The following PDE4D variants were observed in gnomAD, a reference collection of about 807,000 sequenced individuals.
PDE4D encodes 3',5'-cyclic-AMP phosphodiesterase 4D.
Under a neutral mutation model 87.4 loss-of-function variants are expected in PDE4D, and 24 were observed. That is an observed-to-expected ratio of 0.27 (90% confidence interval 0.20 to 0.39). The LOEUF (loss-of-function observed/expected upper bound fraction) is 0.39, where lower values mean the gene tolerates loss of function less well. Among genes scored for constraint, PDE4D ranks in the 10% least tolerant of loss-of-function variants. PDE4D has a pLI of 1.00. For synonymous variants in PDE4D, 384 were observed against 383.2 expected (o/e 1.00, Z -0.02); for missense variants, 714 against 1,041.0 (o/e 0.69, Z 4.32).
At chr5:60,267,214 A>G (rs189028775) in intron 1 of PDE4D, among the ~76,000 whole-genome samples, 1 of 152,348 alleles carries the variant, frequency 6.6e-6, no homozygotes, top group African/African-American at 2.4e-5. Flanking sequence ...CAAAGAGATG[A>G]GAGAGGAGAG....
chr5:59,046,343 T>C (rs1435389736), intron 5 of PDE4D, among the ~76,000 whole-genome samples: 2 of 151,198 alleles, frequency 1.3e-5, no homozygotes, highest in African/African-American at 4.8e-5. Context: ...TGTGTGTGTG[T>C]GTAAGAGAAA....
At chr5:60,509,316 G>A (rs536807536) in intron 1 of PDE4D, among the ~76,000 whole-genome samples, 4 of 152,264 alleles carry the variant, frequency 2.6e-5, no homozygotes, top group South Asian at 4.1e-4. Context: ...GCTGAAACAC[G>A]ATGGCTGAGC....
At chr5:60,210,251 A>T (rs1743033386) in intron 1 of PDE4D, among the ~76,000 whole-genome samples, 1 of 152,138 alleles carries the variant, frequency 6.6e-6, no homozygotes, top group Non-Finnish European at 1.5e-5. Context: ...AAAATCCATT[A>T]ATGTTGGCAA....
At chr5:60,316,680 G>C in intron 1 of PDE4D, among the ~76,000 whole-genome samples, 1 of 152,106 alleles carries the variant, frequency 6.6e-6, no homozygotes, top group Admixed American at 6.5e-5. Context: ...CTAATTTATT[G>C]AGAGTTTTTA....
chr5:59,031,202 C>A (rs1580404797), intron 6 of PDE4D, among the ~76,000 whole-genome samples: 1 of 151,728 alleles, frequency 6.6e-6, no homozygotes, highest in Non-Finnish European at 1.5e-5. Flanking sequence ...ATAGAACTAC[C>A]ATAAAATCCA....
chr5:59,325,786 A>T (rs377644739), intron 1 of PDE4D, among the ~76,000 whole-genome samples: 1 of 152,068 alleles, frequency 6.6e-6, no homozygotes, highest in African/African-American at 2.4e-5. Flanking sequence ...CTATGTGTGG[A>T]GGGGTAGGGG....
At chr5:60,207,544 G>T (rs541285007) in intron 1 of PDE4D, among the ~76,000 whole-genome samples, 10 of 152,128 alleles carry the variant, frequency 6.6e-5, no homozygotes, top group Non-Finnish European at 1.3e-4. Flanking sequence ...CTCATAATTT[G>T]TGAAACCTTG....
intron 1 of PDE4D, among the ~76,000 whole-genome samples, chr5:59,477,345 G>A (rs1181551990): frequency 2.8e-5 from 3 of 106,006 alleles, no homozygotes; most frequent in Non-Finnish European, 3.7e-5. Flanking sequence ...CTAAAACTTA[G>A]AGTATAATAA....
In PDE4D at chr5:58,972,912, T is replaced by TAACC. The variant is rs951951017; in HGVS notation, c.*1748_*1751dup. The TAACC allele has an allele frequency of 3.9e-5, 6 of 152,200 alleles. No homozygotes were observed. Among genetic ancestry groups the TAACC allele is most frequent in the Admixed American group, 3.9e-4 (6 of 15,270 alleles). 9.4% of individuals were successfully genotyped at this position (152,200 alleles called of 1,614,324 possible). A position where few individuals can be genotyped will look rare whatever the true frequency, so the allele number is the denominator to read the frequency against. ...AATATTTTAGGATGCATCACAGTAC[T>TAACC]AACCCTCTGGTGCCAGTGGCATCAT... On this transcript the variant is annotated 3_prime_UTR_variant, in exon 15 of 15. Transcript: ENST00000340635.
chr5:59,739,257 TA>T (rs1480229590), intron 1 of PDE4D, among the ~76,000 whole-genome samples: 2 of 152,002 alleles, frequency 1.3e-5, no homozygotes, highest in Non-Finnish European at 2.9e-5. Flanking sequence ...CCATTTTTAC[TA>T]AAAATACAAA....
intron 1 of PDE4D, among the ~76,000 whole-genome samples, chr5:59,273,121 C>T (rs1332135026): frequency 6.6e-6 from 1 of 152,068 alleles, no homozygotes; most frequent in Non-Finnish European, 1.5e-5. Context: ...AAATAAACAT[C>T]TGAAAAAGAG....
chr5:59,909,676 C>T lies in PDE4D; in HGVS notation c.272+78812G>A, dbSNP rs74864019. 5.2e-3 allele frequency among the ~76,000 whole-genome samples: 793 copies of T among 152,272 alleles called. 3 individuals carry two copies. Among genetic ancestry groups the T allele is most frequent in the African/African-American group, 0.018 (764 of 41,552 alleles). On this transcript the variant is annotated intron_variant, in intron 3 of 16. Transcript: ENST00000502484. ...CTGGGATTACGGGTGTGACCCACTG[C>T]ACCTGGCCCTTAGGTGGCACATTAA...
At chr5:59,613,879 C>T (rs536875907) in intron 1 of PDE4D, among the ~76,000 whole-genome samples, 3 of 152,134 alleles carry the variant, frequency 2.0e-5, no homozygotes, top group East Asian at 3.9e-4. Context: ...TATCAGTAAA[C>T]CAAAATTACA....
chr5:59,715,499 C>A (rs1464698242), intron 1 of PDE4D, among the ~76,000 whole-genome samples: 1 of 152,180 alleles, frequency 6.6e-6, no homozygotes, highest in Non-Finnish European at 1.5e-5. Flanking sequence ...TGGTTTCATA[C>A]CGGGTATGGA....
chr5:59,355,404 G>A (rs987857729), intron 1 of PDE4D, among the ~76,000 whole-genome samples: 1 of 152,106 alleles, frequency 6.6e-6, no homozygotes, highest in Non-Finnish European at 1.5e-5. Flanking sequence ...TAAGGAGCTT[G>A]TTATCAGATC....
intron 1 of PDE4D, among the ~76,000 whole-genome samples, chr5:59,490,542 T>C (rs1805990163): frequency 6.6e-6 from 1 of 152,182 alleles, no homozygotes; most frequent in Non-Finnish European, 1.5e-5. Context: ...TTAAAAATAA[T>C]CCATGCAGGT....
intron 5 of PDE4D, among the ~76,000 whole-genome samples, chr5:59,103,297 C>A (rs1348618304): frequency 6.6e-6 from 1 of 152,062 alleles, no homozygotes; most frequent in Non-Finnish European, 1.5e-5. Flanking sequence ...CCAGAACATA[C>A]CTAATACTCA....
chr5:60,084,726 A>T (rs1774348065), intron 2 of PDE4D, among the ~76,000 whole-genome samples: 1 of 152,230 alleles, frequency 6.6e-6, no homozygotes, highest in African/African-American at 2.4e-5. Context: ...GCACCCCTAC[A>T]TAGTGACCCG....
intron 1 of PDE4D, among the ~76,000 whole-genome samples, chr5:60,226,040 C>T (rs1410678433): frequency 6.6e-6 from 1 of 151,962 alleles, no homozygotes; most frequent in Non-Finnish European, 1.5e-5. Flanking sequence ...GAACAAAAAG[C>T]ATAATAGCAA....
Sources: allele counts gnomAD v4.1 joint callset (sites outside exome capture counted in the v4.1 genomes callset), GRCh38; gene constraint gnomAD v4.1.1; transcripts MANE v1.5; gene names NCBI Gene and HGNC (gene_info 2026-07-23, HGNC 2026-07-21).